NRXN3: variants seen among roughly 807,000 people sequenced by gnomAD.
NRXN3 encodes the protein neurexin III.
A neutral mutation model predicts 137.6 loss-of-function variants in NRXN3; 32 were observed. The ratio of observed to expected loss-of-function variants is 0.23; its 90% CI spans 0.18 to 0.31. The LOEUF is 0.31. NRXN3 is among the 10% of genes least tolerant of loss of function. The pLI, the probability that NRXN3 is intolerant of heterozygous loss-of-function variation, is 1.00. For synonymous variants in NRXN3, 798 were observed against 784.5 expected, an observed-to-expected ratio of 1.02 and a Z score of -0.29; for missense variants, 1,574 against 2,062.5, an observed-to-expected ratio of 0.76 and a Z score of 4.59.
chr14:79,487,132 C>T (rs962018956), intron 16 of NRXN3, among the ~76,000 whole-genome samples: 16 of 152,064 alleles, frequency 1.1e-4, no homozygotes, highest in Admixed American at 2.0e-4. Flanking sequence ...TTTCCTCATC[C>T]GTTGAAATTG....
intron 4 of NRXN3, among the ~76,000 whole-genome samples, chr14:78,298,672 A>C (rs1045697994): frequency 6.6e-6 from 1 of 152,186 alleles, no homozygotes; most frequent in Admixed American, 6.5e-5. Flanking sequence ...TCACAGTTCA[A>C]TTGCTGCTAT....
intron 15 of NRXN3, among the ~76,000 whole-genome samples, chr14:79,359,570 CTTT>C (rs61025850): frequency 5.6e-4 from 59 of 105,452 alleles, no homozygotes; most frequent in Admixed American, 1.1e-3. Context: ...AACATTTAGT[CTTT>C]TTTTTTTTTT....
At chr14:78,763,210 T>C (rs532898789) in intron 8 of NRXN3, among the ~76,000 whole-genome samples, 2 of 152,318 alleles carry the variant, frequency 1.3e-5, no homozygotes, top group East Asian at 3.9e-4. Context: ...AACACATGAT[T>C]GGGAGCAAAA....
chr14:78,487,259 A>G (rs926308611), intron 4 of NRXN3, among the ~76,000 whole-genome samples: 3 of 152,084 alleles, frequency 2.0e-5, no homozygotes, highest in African/African-American at 4.8e-5. Context: ...TTCCACCCTG[A>G]AGAGCTCCTT....
At chr14:79,337,747 G>A (rs1355524905) in intron 15 of NRXN3, among the ~76,000 whole-genome samples, 1 of 152,130 alleles carries the variant, frequency 6.6e-6, no homozygotes, top group African/African-American at 2.4e-5. Context: ...GGATGCCCAG[G>A]AATCACTAGA....
intron 15 of NRXN3, among the ~76,000 whole-genome samples, chr14:79,352,690 TA>T (rs1017621957): frequency 6.6e-6 from 1 of 152,132 alleles, no homozygotes; most frequent in Non-Finnish European, 1.5e-5. Flanking sequence ...TAATAACAGC[TA>T]AGATATGTCT....
chr14:78,989,970 A>G (rs1445339546), intron 15 of NRXN3, among the ~76,000 whole-genome samples: 2 of 152,228 alleles, frequency 1.3e-5, no homozygotes, highest in Non-Finnish European at 2.9e-5. Context: ...GGTAAAAATC[A>G]GGAAGGATTC....
At chr14:79,835,418 C>G (rs953332781) in intron 20 of NRXN3, among the ~76,000 whole-genome samples, 4 of 152,116 alleles carry the variant, frequency 2.6e-5, no homozygotes, top group Non-Finnish European at 4.4e-5. Flanking sequence ...TTCCTCTGTA[C>G]CATAACGCTT....
In NRXN3 at chr14:78,709,421, C is replaced by A. The variant is rs200425610; in HGVS notation, c.1426C>A (p.Arg476Ser). The A allele has an allele frequency of 6.2e-7, 1 of 1,614,134 alleles. No homozygotes were observed. The highest frequency in any genetic ancestry group is 8.5e-7 in the Non-Finnish European group (1 of 1,180,010). The change falls in exon 7 of 21, where the codon CGC (arginine) becomes AGC (serine). Residue 476 changes from arginine to serine, a missense_variant. Arg to Ser is a moderately radical substitution (Grantham distance 110). This residue lies in a region of NRXN3 where 718 missense variants were observed against 887.6 expected (regional missense o/e 0.81). Coordinates refer to ENST00000335750, the MANE Select transcript of NRXN3 (RefSeq NM_001330195.2). ...TATGGGCTCCATCTCCTTTGACTTC[C>A]GCACCACAGAGCCCAATGGCCTGAT... is the stretch of plus-strand genomic sequence containing the variant. Reference protein sequence around the residue: ...KRMGSISFDFRTTEPNGLILF... With the variant: ...KRMGSISFDFSTTEPNGLILF...
intron 19 of NRXN3, among the ~76,000 whole-genome samples, chr14:79,757,251 A>T (rs1315765999): frequency 6.6e-6 from 1 of 151,340 alleles, no homozygotes; most frequent in Non-Finnish European, 1.5e-5. Flanking sequence ...GCAAATAAAG[A>T]TAGTTGTAAA....
intron 4 of NRXN3, among the ~76,000 whole-genome samples, chr14:78,598,821 G>A (rs890438564): frequency 3.3e-5 from 5 of 152,200 alleles, no homozygotes; most frequent in African/African-American, 1.2e-4. Flanking sequence ...TTTGCAGAAT[G>A]TGTTATTGTG....
chr14:79,778,423 AAAAACAAAAC>A (rs1181604445), intron 19 of NRXN3, among the ~76,000 whole-genome samples: 5 of 152,326 alleles, frequency 3.3e-5, no homozygotes, highest in South Asian at 4.1e-4. Context: ...CTCAAAACAA[AAAAACAAAAC>A]AAAACAAAAC....
intron 10 of NRXN3, among the ~76,000 whole-genome samples, chr14:78,883,180 T>C (rs991836463): frequency 6.6e-6 from 1 of 152,206 alleles, no homozygotes; most frequent in Admixed American, 6.5e-5. Context: ...AGGTATTTCT[T>C]CATAGCAGTG....
At chr14:79,092,737 G>A (rs2152810772) in intron 15 of NRXN3, among the ~76,000 whole-genome samples, 1 of 152,240 alleles carries the variant, frequency 6.6e-6, no homozygotes, top group South Asian at 2.1e-4. Context: ...TGGTTTTATG[G>A]CTAAATGAGC....
chr14:79,805,673 C>A (rs2099201748), intron 20 of NRXN3, among the ~76,000 whole-genome samples: 1 of 151,940 alleles, frequency 6.6e-6, no homozygotes, highest in Non-Finnish European at 1.5e-5. Flanking sequence ...CTAAGAGAAC[C>A]AAAAATATAT....
intron 4 of NRXN3, among the ~76,000 whole-genome samples, chr14:78,335,954 C>T (rs1331754497): frequency 6.6e-6 from 1 of 152,182 alleles, no homozygotes; most frequent in Non-Finnish European, 1.5e-5. Flanking sequence ...AGCCTTCCAG[C>T]TTTCCATTTT....
chr14:78,172,836 T>C (rs750118238), intron 1 of NRXN3, among the ~76,000 whole-genome samples: 2 of 152,124 alleles, frequency 1.3e-5, no homozygotes, highest in Non-Finnish European at 2.9e-5. Context: ...ATTAAAGGGA[T>C]TCTAGATTTT....
chr14:79,432,989 CTTAAT>C (rs1433369588), intron 15 of NRXN3, among the ~76,000 whole-genome samples: 5 of 152,142 alleles, frequency 3.3e-5, no homozygotes, highest in Non-Finnish European at 7.4e-5. Context: ...TCACTTTCAT[CTTAAT>C]TTAGAGTCAT....
chr14:78,274,413 G>A (rs1245603843), intron 2 of NRXN3, among the ~76,000 whole-genome samples: 1 of 152,194 alleles, frequency 6.6e-6, no homozygotes, highest in East Asian at 1.9e-4. Flanking sequence ...ATCAGATCTT[G>A]TGAGAACTTA....
Sources: allele counts gnomAD v4.1 joint callset (sites outside exome capture counted in the v4.1 genomes callset), GRCh38; gene constraint gnomAD v4.1.1; regional missense constraint gnomAD v4.1.1; transcripts MANE v1.5; gene names NCBI Gene and HGNC (gene_info 2026-07-23, HGNC 2026-07-21).